RBFOX1: variants seen among roughly 807,000 people sequenced by gnomAD.
RBFOX1 encodes RNA binding fox-1 homolog 1.
In RBFOX1, 8 loss-of-function variants were observed where a neutral mutation model predicts 57.7. That is an observed-to-expected ratio of 0.14 (90% CI 0.08 to 0.25). The LOEUF (loss-of-function observed/expected upper bound fraction) is 0.25. Ranked by LOEUF, RBFOX1 falls within the 10% of genes least tolerant of loss-of-function variation. The pLI, the probability that RBFOX1 is intolerant of heterozygous loss-of-function variation, is 1.00. For missense variants in RBFOX1, 611 were observed against 548.5 expected (o/e 1.11, Z -1.14); for synonymous variants, 326 against 222.4 (o/e 1.47, Z -4.15).
At chr16:5,277,594 A>G (rs2063173259) in intron 1 of RBFOX1, among the ~76,000 whole-genome samples, 2 of 152,070 alleles carry the variant, frequency 1.3e-5, no homozygotes, top group African/African-American at 4.8e-5. Flanking sequence ...GGTAACTATC[A>G]TTCTACTCTT....
intron 2 of RBFOX1, among the ~76,000 whole-genome samples, chr16:6,391,820 G>A (rs1013263810): frequency 6.6e-6 from 1 of 152,138 alleles, no homozygotes; most frequent in Non-Finnish European, 1.5e-5. Flanking sequence ...TCCCATCCTC[G>A]AAGAGCTCAC....
rs567992025 is a variant in RBFOX1 at position 5,490,778 on chromosome 16, G to C, written c.258+23524G>C. Among the ~76,000 whole-genome samples, 16 of 152,250 alleles carry C rather than the reference G, an allele frequency of 1.1e-4. No individual in the cohort carries two copies. In the South Asian group the frequency reaches 1.7e-3, roughly 16 times the overall value. On this transcript the variant is annotated intron_variant, in intron 2 of 2. Transcript: ENST00000585867. ...CTGCCGCGCCCCCTGCAGGCCGTGG[G>C]CTAGAAGTGCATCCGCCTCTGCACT...
At chr16:6,695,709 T>G (rs1470288106) in intron 3 of RBFOX1, among the ~76,000 whole-genome samples, 1 of 152,234 alleles carries the variant, frequency 6.6e-6, no homozygotes, top group Non-Finnish European at 1.5e-5. Context: ...AGTGAATGAC[T>G]GTCACTTATT....
At chr16:5,693,509 C>G (rs1338632620) in intron 3 of RBFOX1, among the ~76,000 whole-genome samples, 2 of 151,310 alleles carry the variant, frequency 1.3e-5, no homozygotes, top group Non-Finnish European at 2.9e-5. Flanking sequence ...ACTTGTGGAA[C>G]AAAAAAGGTT....
intron 1 of RBFOX1, among the ~76,000 whole-genome samples, chr16:6,273,677 G>C (rs1164790835): frequency 6.6e-6 from 1 of 151,936 alleles, no homozygotes; most frequent in East Asian, 1.9e-4. Flanking sequence ...CAAAAGCACA[G>C]TTCATAAAGA....
intron 2 of RBFOX1, among the ~76,000 whole-genome samples, chr16:6,535,671 A>T (rs532495456): frequency 3.9e-5 from 6 of 152,186 alleles, no homozygotes; most frequent in South Asian, 2.1e-4. Flanking sequence ...AAAGACCAGG[A>T]TCCTGACCCA....
At position 5,703,971 on chromosome 16, in the gene RBFOX1, C is replaced by T. The variant is rs561311784; in HGVS notation, c.318+105010C>T. Among the ~76,000 whole-genome samples, 7 of 152,266 alleles carry T rather than the reference C, an allele frequency of 4.6e-5. No homozygotes were observed. The South Asian group carries it at 1.5e-3, about 32-fold the overall frequency. ...CCATGATTATTATGCCCAGGTTAAG[C>T]CCCCTCAAATCGTTACATGGTCGCT... On this transcript the variant is annotated intron_variant, in intron 3 of 19. Transcript: ENST00000641259.
chr16:7,598,626 T>G (rs2094838449), intron 9 of RBFOX1, among the ~76,000 whole-genome samples: 1 of 152,184 alleles, frequency 6.6e-6, no homozygotes, highest in Non-Finnish European at 1.5e-5. Context: ...GTCTATAGTT[T>G]TATTTTGCGT....
At chr16:7,194,364 A>T (rs1001449841) in intron 4 of RBFOX1, among the ~76,000 whole-genome samples, 3 of 152,232 alleles carry the variant, frequency 2.0e-5, no homozygotes, top group Admixed American at 2.0e-4. Flanking sequence ...AAAATAATGC[A>T]TTTCAATTTA....
chr16:6,524,075 C>T (rs988835651), intron 2 of RBFOX1, among the ~76,000 whole-genome samples: 2 of 152,142 alleles, frequency 1.3e-5, no homozygotes, highest in Non-Finnish European at 2.9e-5. Context: ...CCCTGTTGTG[C>T]TATCAAACAC....
At chr16:7,162,581 A>C (rs968956690) in intron 4 of RBFOX1, among the ~76,000 whole-genome samples, 3 of 151,252 alleles carry the variant, frequency 2.0e-5, no homozygotes, top group East Asian at 3.9e-4. Context: ...AAAAAAAAAA[A>C]AAAAACATTG....
intron 10 of RBFOX1, among the ~76,000 whole-genome samples, chr16:7,628,481 C>G (rs1184759700): frequency 3.9e-5 from 6 of 152,158 alleles, no homozygotes; most frequent in African/African-American, 1.4e-4. Context: ...CTTGCCTCCC[C>G]TTGCTTGGTT....
At chr16:7,632,641 G>C (rs965765829) in intron 11 of RBFOX1, among the ~76,000 whole-genome samples, 1 of 152,204 alleles carries the variant, frequency 6.6e-6, no homozygotes, top group East Asian at 1.9e-4. Context: ...TTTTCTGAAA[G>C]AGAGTTGGTG....
At position 6,716,058 on chromosome 16, in the gene RBFOX1, C is replaced by G. The variant is rs193228659; in HGVS notation, c.-16+61408C>G. ...TACGGTTTTGTGAGCTCACACTGCT[C>G]AGTTGTACATGATGGCCCTGGTGAC... On this transcript the variant is annotated intron_variant, in intron 3 of 15. Transcript: ENST00000550418. 2.0e-4 allele frequency among the ~76,000 whole-genome samples: 31 copies of G among 152,240 alleles called. No homozygotes were observed. In the East Asian group the frequency reaches 4.8e-3, roughly 24 times the overall value.
intron 3 of RBFOX1, among the ~76,000 whole-genome samples, chr16:6,973,501 G>C (rs150255222): frequency 3.3e-4 from 50 of 152,270 alleles, no homozygotes; most frequent in African/African-American, 1.1e-3. Context: ...TTGCTGAAAT[G>C]CTCCTATTTC....
At chr16:6,289,076 G>A (rs1177103612) in intron 1 of RBFOX1, among the ~76,000 whole-genome samples, 2 of 152,116 alleles carry the variant, frequency 1.3e-5, no homozygotes, top group Non-Finnish European at 2.9e-5. Flanking sequence ...TTGTGTTCAA[G>A]ATAGAGAATA....
At chr16:6,958,205 T>C (rs1391215389) in intron 3 of RBFOX1, among the ~76,000 whole-genome samples, 3 of 152,344 alleles carry the variant, frequency 2.0e-5, no homozygotes, top group East Asian at 1.9e-4. Context: ...ACAGCATTTT[T>C]TCCAGTAAGC....
chr16:6,849,128 T>C (rs932056147), intron 3 of RBFOX1, among the ~76,000 whole-genome samples: 3 of 152,132 alleles, frequency 2.0e-5, no homozygotes, highest in Non-Finnish European at 2.9e-5. Context: ...TTATATATAA[T>C]CATCCCCAGA....
In RBFOX1 at chr16:7,622,621, A is replaced by AT. The variant is rs58793754; in HGVS notation, c.677-7972dup. On this transcript the variant is annotated intron_variant, in intron 10 of 15. Transcript: ENST00000550418. Reference sequence around the variant, plus strand: ...AAAGAAAACAAACAAGAAGTGGTGTATTTTTTTTTTGAATATTATGAAAAC... The same window carrying AT: ...AAAGAAAACAAACAAGAAGTGGTGTATTTTTTTTTTTGAATATTATGAAAAC... Among the ~76,000 whole-genome samples the AT allele has an allele frequency of 2.0e-3, 298 of 150,634 alleles. 4 individuals are homozygous for AT. In the East Asian group the frequency reaches 0.027, roughly 14 times the overall value.
Sources: gnomAD v4.1 joint callset for allele counts (sites outside exome capture counted in the v4.1 genomes callset) on GRCh38, gnomAD v4.1.1 for gene constraint, MANE v1.5 for transcripts, NCBI Gene and HGNC (gene_info 2026-07-23, HGNC 2026-07-21) for gene names.